Variants in ALG12 observed in about 807,000 individuals in gnomAD.
ALG12 encodes the protein ALG12 alpha-1,6-mannosyltransferase, also known as dol-P-Man:Man(7)GlcNAc(2)-PP-Dol alpha-1,6-mannosyltransferase.
In ALG12, 36 loss-of-function variants were observed where a neutral mutation model predicts 46.0. That is an observed-to-expected ratio of 0.78 (90% CI 0.60 to 1.03). ALG12 has a LOEUF of 1.03. Among genes scored for constraint, ALG12 ranks in the 50% least tolerant of loss-of-function variants. The pLI is 0.00. For missense variants in ALG12, 599 were observed against 633.5 expected (o/e 0.95, Z 0.58); for synonymous variants, 326 against 291.6 (o/e 1.12, Z -1.20).
At chr22:49,884,870 CTGGAGA>C in the ALG12 span, 1 of 1,607,308 alleles carries the variant, frequency 6.2e-7, no homozygotes, top group Non-Finnish European at 8.5e-7. Flanking sequence ...CACTTGAACC[CTGGAGA>C]TGGGCTGATG....
At chr22:49,877,254 CTTTATTATTTA>C in the ALG12 span, among the ~76,000 whole-genome samples, 16 of 147,036 alleles carry the variant, frequency 1.1e-4, no homozygotes, top group Non-Finnish European at 1.5e-5. Context: ...AAAAAAACAG[CTTTATTATTTA>C]TTTATTTATT....
the ALG12 span, chr22:49,884,399 G>A: frequency 5.0e-6 from 8 of 1,613,214 alleles, no homozygotes; most frequent in South Asian, 2.2e-5. Context: ...GAGAAGTGCG[G>A]CAGAGAAGAA....
At chr22:49,899,521 A>G (rs2060495561), downstream of ALG12, among the ~76,000 whole-genome samples, 1 of 151,334 alleles carries the variant, frequency 6.6e-6, no homozygotes, top group Non-Finnish European at 1.5e-5. Flanking sequence ...ACCACCACTC[A>G]CCCCTCAGAC....
the ALG12 span, chr22:49,888,098 A>G: frequency 6.0e-6 from 1 of 167,264 alleles, no homozygotes; most frequent in Non-Finnish European, 1.5e-5. Flanking sequence ...GAAGCTTGTT[A>G]TATTCCAGTT....
chr22:49,865,208 A>G, the ALG12 span, among the ~76,000 whole-genome samples: 1 of 152,108 alleles, frequency 6.6e-6, no homozygotes, highest in Non-Finnish European at 1.5e-5. Context: ...GCCTGTAGGC[A>G]TTTGTAACAC....
At chr22:49,895,730 G>A (rs1304783539), downstream of ALG12, among the ~76,000 whole-genome samples, 1 of 151,998 alleles carries the variant, frequency 6.6e-6, no homozygotes, top group Non-Finnish European at 1.5e-5. Flanking sequence ...TTTACTTACG[G>A]CTTTACAATT....
chr22:49,906,013 G>T lies in ALG12; in HGVS notation c.993-1507C>A, dbSNP rs2060540131. Reference sequence around the variant, plus strand: ...CCTGGGCCCTGACACCGTGGGAAACGGCCTGCTCTTGCTCCCAGGGTGGCC... The same window carrying T: ...CCTGGGCCCTGACACCGTGGGAAACTGCCTGCTCTTGCTCCCAGGGTGGCC... On this transcript the variant is annotated intron_variant, in intron 7 of 9. Transcript: ENST00000330817. This position sits in a 1 kb window ranked among gnomAD's most constrained non-coding sequence, Gnocchi z 4.4. Among the ~76,000 whole-genome samples, 1 of 152,182 alleles carries T rather than the reference G, an allele frequency of 6.6e-6. No individual in the cohort carries two copies. Among genetic ancestry groups the T allele is most frequent in the East Asian group, 1.9e-4 (1 of 5,200 alleles).
the ALG12 span, among the ~76,000 whole-genome samples, chr22:49,863,496 G>A: frequency 3.3e-5 from 5 of 152,118 alleles, no homozygotes; most frequent in African/African-American, 4.8e-5. Context: ...GCGTGGTGGC[G>A]AGTGCCTGTA....
the ALG12 span, among the ~76,000 whole-genome samples, chr22:49,867,302 T>C: frequency 2.6e-5 from 4 of 152,354 alleles, no homozygotes; most frequent in South Asian, 6.2e-4. Context: ...GCGTATGTTA[T>C]GGGCCAGCAT....
In ALG12 at chr22:49,902,248, CTG is replaced by C. The variant is rs552534961; in HGVS notation, c.*1588_*1589del. On this transcript the variant is annotated 3_prime_UTR_variant, in exon 10 of 10. Transcript: ENST00000330817. ...TATGCATGGTGTGTGCACGTGTGCA[CTG>C]TGTATGCATGGTGTGTGCATGTGTG... 5 of 92,488 alleles carry C rather than the reference CTG, an allele frequency of 5.4e-5. No individual in the cohort carries two copies. Among genetic ancestry groups the C allele is most frequent in the South Asian group, 3.9e-4 (1 of 2,576 alleles). The allele number at this position is 92,488 out of a possible 1,614,324, so 5.7% of individuals were successfully genotyped here.
chr22:49,907,566 G>C (rs2060549409), intron 7 of ALG12, among the ~76,000 whole-genome samples, 155 bp downstream of exon 7: 1 of 152,148 alleles, frequency 6.6e-6, no homozygotes, highest in African/African-American at 2.4e-5. Flanking sequence ...TAACCCCCTA[G>C]GAGTTGAGGG....
At chr22:49,863,057 A>G in the ALG12 span, among the ~76,000 whole-genome samples, 1 of 151,868 alleles carries the variant, frequency 6.6e-6, no homozygotes, top group Admixed American at 6.6e-5. Context: ...CCGTGGAAGT[A>G]TTTTCTGAGG....
intron 1 of ALG12, among the ~76,000 whole-genome samples, chr22:49,917,705 C>CTT (rs111244256): frequency 6.3e-5 from 9 of 143,352 alleles, no homozygotes; most frequent in Non-Finnish European, 9.1e-5. Context: ...TCAGATGTTA[C>CTT]TTTTTTTTTT....
Position 49,913,596 on chromosome 22 carries a change from C to T in ALG12, c.162+8G>A. ...AGGTTTTCCCCAAAGACAGCAGGGG[C>T]CCCTCACCTGCTCCAGGTCTTGCCA... On this transcript the variant is annotated splice_region_variant and intron_variant, in intron 2 of 9. Coordinates refer to ENST00000330817, the MANE Select transcript of ALG12 (RefSeq NM_024105.4). The T allele has an allele frequency of 6.2e-7, 1 of 1,614,080 alleles. No homozygotes were observed. The highest frequency in any genetic ancestry group is 8.5e-7 in the Non-Finnish European group (1 of 1,180,036).
the ALG12 span, chr22:49,886,196 TG>T: frequency 1.3e-6 from 1 of 741,580 alleles, no homozygotes; most frequent in Non-Finnish European, 2.4e-6. This position sits in a 1 kb window ranked among gnomAD's most constrained non-coding sequence, Gnocchi z 7.7. Flanking sequence ...AGCCAGCGGA[TG>T]GTGCAGAACC....
chr22:49,905,632 C>T lies in ALG12; in HGVS notation c.993-1126G>A, dbSNP rs1005155316. 2.0e-5 allele frequency among the ~76,000 whole-genome samples: 3 copies of T among 152,224 alleles called. No individual in the cohort carries two copies. Among genetic ancestry groups the T allele is most frequent in the African/African-American group, 4.8e-5 (2 of 41,462 alleles). On this transcript the variant is annotated intron_variant, in intron 7 of 9. Transcript: ENST00000330817. The surrounding 1 kb of genome is among the most constrained non-coding windows in gnomAD (Gnocchi z 4.9). ...GCGTGCCCGCTTCCCTCTCGCCTTC[C>T]GCCATAATGGAAAGTTTTCCCAGGC...
chr22:49,864,394 G>A, the ALG12 span, among the ~76,000 whole-genome samples: 1 of 152,154 alleles, frequency 6.6e-6, no homozygotes, highest in Non-Finnish European at 1.5e-5. Flanking sequence ...TTTTGCCTAA[G>A]TCTTCCCATT....
the ALG12 span, chr22:49,889,667 T>G: frequency 6.0e-6 from 1 of 167,250 alleles, no homozygotes; most frequent in Non-Finnish European, 1.5e-5. Context: ...GGTGGACATT[T>G]GTTGAAACCG....
the ALG12 span, among the ~76,000 whole-genome samples, chr22:49,894,270 T>C: frequency 1.3e-5 from 2 of 151,932 alleles, no homozygotes; most frequent in South Asian, 4.1e-4. Flanking sequence ...CTTTCACTAA[T>C]CCCAAAGAAG....
Sources: allele counts gnomAD v4.1 joint callset (sites outside exome capture counted in the v4.1 genomes callset), GRCh38; gene constraint gnomAD v4.1.1; non-coding constraint Gnocchi (gnomAD v3.1); transcripts MANE v1.5; gene names NCBI Gene and HGNC (gene_info 2026-07-23, HGNC 2026-07-21).